The following LSAMP variants were observed in gnomAD, a reference collection of about 807,000 sequenced individuals.
LSAMP encodes limbic system-associated membrane protein.
A neutral mutation model predicts 38.6 loss-of-function variants in LSAMP; 7 were observed. That is an observed-to-expected ratio of 0.18 (90% CI 0.10 to 0.34). The LOEUF is 0.34. Ranked by LOEUF, LSAMP falls within the 10% of genes least tolerant of loss-of-function variation. LSAMP has a pLI of 1.00. For synonymous variants in LSAMP, 154 were observed against 166.8 expected (o/e 0.92, Z 0.59); for missense variants, 313 against 420.0 (o/e 0.75, Z 2.23).
chr3:116,185,944 G>A (rs1710605066), intron 1 of LSAMP, among the ~76,000 whole-genome samples: 1 of 150,194 alleles, frequency 6.7e-6, no homozygotes, highest in Non-Finnish European at 1.5e-5. Context: ...GAAAAGTAAT[G>A]ATTTTCTCCT....
At chr3:116,132,928 C>A (rs1435457346) in intron 1 of LSAMP, among the ~76,000 whole-genome samples, 1 of 152,150 alleles carries the variant, frequency 6.6e-6, no homozygotes, top group Middle Eastern at 3.2e-3. Flanking sequence ...ATCTCCTACA[C>A]CTCTTCCGTG....
At chr3:116,140,707 A>G (rs1709350170) in intron 1 of LSAMP, among the ~76,000 whole-genome samples, 1 of 152,000 alleles carries the variant, frequency 6.6e-6, no homozygotes, top group African/African-American at 2.4e-5. Flanking sequence ...TTCACAGCAC[A>G]CTAACATTCA....
chr3:116,230,930 T>C (rs2046396252), intron 1 of LSAMP, among the ~76,000 whole-genome samples: 1 of 152,178 alleles, frequency 6.6e-6, no homozygotes, highest in Non-Finnish European at 1.5e-5. Flanking sequence ...GTTTGTAGTC[T>C]TATTAATGAA....
chr3:116,000,147 G>A (rs902772790), intron 3 of LSAMP, among the ~76,000 whole-genome samples: 3 of 151,898 alleles, frequency 2.0e-5, no homozygotes, highest in Non-Finnish European at 4.4e-5. Flanking sequence ...AGGGACTTTG[G>A]GTAAGTCACT....
chr3:116,126,319 G>T (rs572699724), intron 1 of LSAMP, among the ~76,000 whole-genome samples: 2 of 152,328 alleles, frequency 1.3e-5, no homozygotes, highest in African/African-American at 4.8e-5. Context: ...TATAGAAGCA[G>T]ATAGGCCAGA....
intron 1 of LSAMP, among the ~76,000 whole-genome samples, chr3:116,185,193 A>G (rs1325607290): frequency 6.6e-6 from 1 of 151,898 alleles, no homozygotes; most frequent in Non-Finnish European, 1.5e-5. Context: ...TTGTTTAAAT[A>G]TAAGGATCAT....
intron 2 of LSAMP, among the ~76,000 whole-genome samples, chr3:116,040,475 A>G (rs1941144330): frequency 6.6e-6 from 1 of 152,212 alleles, no homozygotes; most frequent in South Asian, 2.1e-4. Context: ...TAACCTTGAA[A>G]TGCACATGCT....
At chr3:116,304,741 G>T (rs2047459202) in intron 1 of LSAMP, among the ~76,000 whole-genome samples, 1 of 152,124 alleles carries the variant, frequency 6.6e-6, no homozygotes, top group Non-Finnish European at 1.5e-5. Flanking sequence ...TAGCCCCAGT[G>T]CCTGCTGATG....
chr3:116,249,008 G>A (rs1203395092), intron 1 of LSAMP, among the ~76,000 whole-genome samples: 1 of 151,950 alleles, frequency 6.6e-6, no homozygotes, highest in South Asian at 2.1e-4. Flanking sequence ...AATTAGCCGG[G>A]CATGGTGGCA....
At chr3:115,843,427 A>G (rs1935059555) in intron 4 of LSAMP, among the ~76,000 whole-genome samples, 1 of 152,216 alleles carries the variant, frequency 6.6e-6, no homozygotes, top group Non-Finnish European at 1.5e-5. Flanking sequence ...TTAGGATTAT[A>G]GACTCAAGCT....
chr3:116,185,614 C>T (rs1710596537), intron 1 of LSAMP, among the ~76,000 whole-genome samples: 2 of 152,034 alleles, frequency 1.3e-5, no homozygotes, highest in Non-Finnish European at 2.9e-5. Flanking sequence ...ACTCATTATA[C>T]TCTATTGGTT....
chr3:116,163,277 T>C (rs1473678492), intron 1 of LSAMP, among the ~76,000 whole-genome samples: 4 of 134,202 alleles, frequency 3.0e-5, no homozygotes, highest in Non-Finnish European at 3.2e-5. Context: ...TTCCTGTGTC[T>C]ATGTGTTCTC....
chr3:116,073,569 T>G (rs1328960175), intron 2 of LSAMP, among the ~76,000 whole-genome samples: 1 of 152,218 alleles, frequency 6.6e-6, no homozygotes, highest in African/African-American at 2.4e-5. Context: ...TCCATTTGTT[T>G]GTGTCCTCTC....
chr3:116,211,882 G>A (rs935887766), intron 1 of LSAMP, among the ~76,000 whole-genome samples: 46 of 152,196 alleles, frequency 3.0e-4, no homozygotes, highest in Non-Finnish European at 4.1e-4. Flanking sequence ...AAACATGAGG[G>A]ATGGCCAGCA....
chr3:116,204,227 C>T (rs530397412), intron 1 of LSAMP, among the ~76,000 whole-genome samples: 104 of 151,116 alleles, frequency 6.9e-4, no homozygotes, highest in African/African-American at 1.8e-3. Flanking sequence ...TCATGTCCTT[C>T]GCCCACTTTT....
At chr3:115,955,782 C>G (rs928010731) in intron 3 of LSAMP, among the ~76,000 whole-genome samples, 1 of 152,138 alleles carries the variant, frequency 6.6e-6, no homozygotes, top group African/African-American at 2.4e-5. Flanking sequence ...CTTAGCTGGG[C>G]AGGGAGCTCA....
rs59830926 is a variant in LSAMP at position 115,871,582 on chromosome 3, A to AGTGTGT, written c.515-18971_515-18966dup. On this transcript the variant is annotated intron_variant, in intron 3 of 6. Transcript: ENST00000490035. ...AGCTACCTAAAGAAAACCAACGTGT[A>AGTGTGT]GTGTGTGTGTGTGTGTGTGTGTGTG... 6.0e-3 allele frequency among the ~76,000 whole-genome samples: 877 copies of AGTGTGT among 145,012 alleles called. 7 individuals carry two copies. The highest frequency in any genetic ancestry group is 0.018 in the African/African-American group (731 of 39,844).
intron 1 of LSAMP, among the ~76,000 whole-genome samples, chr3:116,191,150 G>A (rs1398732365): frequency 6.6e-6 from 1 of 152,178 alleles, no homozygotes; most frequent in African/African-American, 2.4e-5. Flanking sequence ...CTGAACCCAG[G>A]AGGTGGAGCT....
chr3:116,213,944 TCA>T, intron 1 of LSAMP, among the ~76,000 whole-genome samples: 1 of 152,304 alleles, frequency 6.6e-6, no homozygotes, highest in Non-Finnish European at 1.5e-5. Flanking sequence ...GCATAAAGTT[TCA>T]GTTGAGCAAG....
Sources: gnomAD v4.1 joint callset for allele counts (sites outside exome capture counted in the v4.1 genomes callset) on GRCh38, gnomAD v4.1.1 for gene constraint, MANE v1.5 for transcripts, NCBI Gene and HGNC (gene_info 2026-07-23, HGNC 2026-07-21) for gene names.